Variants in TBC1D5 observed in about 807,000 individuals in gnomAD.
The protein encoded by TBC1D5 is TBC1 domain family member 5, also known as TBC1 domain family, member 5.
TBC1D5 carries 75 observed loss-of-function variants against 100.3 expected under a neutral mutation model. That is an observed-to-expected ratio of 0.75 (90% CI 0.62 to 0.91). The LOEUF is 0.91. Among genes scored for constraint, TBC1D5 ranks in the 40% least tolerant of loss-of-function variants. The probability of loss-of-function intolerance (pLI) is 0.00; values close to 1 mark genes in which losing one functional copy is unlikely to be tolerated. For synonymous variants in TBC1D5, 323 were observed against 325.6 expected (o/e 0.99, Z 0.09); for missense variants, 910 against 942.4 (o/e 0.97, Z 0.45).
intron 13 of TBC1D5, among the ~76,000 whole-genome samples, chr3:17,346,226 T>C (rs1204119278): frequency 6.6e-6 from 1 of 152,188 alleles, no homozygotes; most frequent in African/African-American, 2.4e-5. Context: ...AAACAAACTG[T>C]GAAATTGATC....
chr3:17,587,621 C>T (rs899667514), intron 2 of TBC1D5, among the ~76,000 whole-genome samples: 5 of 151,836 alleles, frequency 3.3e-5, no homozygotes, highest in African/African-American at 9.7e-5. Context: ...ATTTGTATGT[C>T]GGTTTGGTGA....
At chr3:17,349,907 T>G (rs1185250067) in intron 13 of TBC1D5, among the ~76,000 whole-genome samples, 2 of 152,186 alleles carry the variant, frequency 1.3e-5, no homozygotes, top group Non-Finnish European at 2.9e-5. Context: ...ATGGTTTATA[T>G]GAGTATCACA....
intron 2 of TBC1D5, among the ~76,000 whole-genome samples, chr3:17,573,963 G>A (rs1041377461): frequency 6.6e-6 from 1 of 151,812 alleles, no homozygotes; most frequent in African/African-American, 2.4e-5. Context: ...GCCACAGTAC[G>A]TAAAAAGTAC....
intron 1 of TBC1D5, among the ~76,000 whole-genome samples, chr3:17,629,817 G>GA (rs2063347061): frequency 6.6e-6 from 1 of 152,160 alleles, no homozygotes; most frequent in Non-Finnish European, 1.5e-5. Context: ...GAATACACAG[G>GA]AAACGGATTT....
At chr3:17,719,357 G>C (rs532727311) in intron 1 of TBC1D5, among the ~76,000 whole-genome samples, 5 of 152,254 alleles carry the variant, frequency 3.3e-5, no homozygotes, top group African/African-American at 1.2e-4. Flanking sequence ...AGTAAAACCT[G>C]TTAGCATATT....
chr3:17,546,812 A>G (rs1447951694), intron 2 of TBC1D5, among the ~76,000 whole-genome samples: 1 of 152,032 alleles, frequency 6.6e-6, no homozygotes, highest in African/African-American at 2.4e-5. Context: ...AGAAAGAAAG[A>G]AAGAAATCCA....
intron 3 of TBC1D5, among the ~76,000 whole-genome samples, chr3:17,436,290 T>G (rs113437742): frequency 3.9e-5 from 6 of 152,158 alleles, no homozygotes; most frequent in African/African-American, 1.4e-4. Context: ...GTAAGAAAGA[T>G]TAAATGAGAT....
At chr3:17,295,578 T>C (rs765622360) in intron 14 of TBC1D5, among the ~76,000 whole-genome samples, 1 of 152,244 alleles carries the variant, frequency 6.6e-6, no homozygotes, top group Non-Finnish European at 1.5e-5. Flanking sequence ...AGTAACTGTT[T>C]TGAGAAAGTT....
chr3:17,673,079 A>G (rs1398152884), intron 1 of TBC1D5, among the ~76,000 whole-genome samples: 3 of 152,206 alleles, frequency 2.0e-5, no homozygotes, highest in East Asian at 1.9e-4. Flanking sequence ...AAATAATAGA[A>G]TAACAACAAA....
At chr3:17,564,947 A>G (rs2096584437) in intron 2 of TBC1D5, among the ~76,000 whole-genome samples, 1 of 152,292 alleles carries the variant, frequency 6.6e-6, no homozygotes, top group East Asian at 1.9e-4. Context: ...CTTTTGCTCA[A>G]TTATATTAGA....
At chr3:17,450,861 T>A (rs1463182952) in intron 3 of TBC1D5, among the ~76,000 whole-genome samples, 1 of 152,098 alleles carries the variant, frequency 6.6e-6, no homozygotes, top group African/African-American at 2.4e-5. Flanking sequence ...CAGGCCAACA[T>A]TCAAATTCAG....
chr3:17,191,291 T>C (rs1478757242), intron 18 of TBC1D5, among the ~76,000 whole-genome samples: 2 of 152,208 alleles, frequency 1.3e-5, no homozygotes, highest in Non-Finnish European at 2.9e-5. Context: ...GTGATAATAA[T>C]AGTTTCTACC....
intron 17 of TBC1D5, among the ~76,000 whole-genome samples, chr3:17,226,384 A>C (rs1226946355): frequency 2.0e-5 from 3 of 149,544 alleles, no homozygotes; most frequent in Non-Finnish European, 4.4e-5. Flanking sequence ...GCCTATTCTT[A>C]GGGGCACATT....
chr3:17,179,732 C>G (rs1334551554), intron 19 of TBC1D5, among the ~76,000 whole-genome samples: 1 of 152,202 alleles, frequency 6.6e-6, no homozygotes, highest in East Asian at 1.9e-4. Flanking sequence ...GTACTCTCAA[C>G]AGAAGCATGG....
At chr3:17,165,955 C>T (rs1342774189) in intron 21 of TBC1D5, among the ~76,000 whole-genome samples, 1 of 152,112 alleles carries the variant, frequency 6.6e-6, no homozygotes, top group African/African-American at 2.4e-5. Flanking sequence ...CCTTCATTTT[C>T]TCACTGGTCA....
chr3:17,654,984 T>C (rs2065918500), intron 1 of TBC1D5, among the ~76,000 whole-genome samples: 1 of 151,854 alleles, frequency 6.6e-6, no homozygotes, highest in Non-Finnish European at 1.5e-5. Flanking sequence ...GTAGTTTGTA[T>C]TTCTGTGGGA....
At chr3:17,698,704 AC>A (rs1183569836) in intron 1 of TBC1D5, among the ~76,000 whole-genome samples, 1 of 150,178 alleles carries the variant, frequency 6.7e-6, no homozygotes, top group Non-Finnish European at 1.5e-5. Flanking sequence ...CAAGAAAAAA[AC>A]AAACAACCCC....
At chr3:17,545,685 C>T (rs185095905) in intron 2 of TBC1D5, among the ~76,000 whole-genome samples, 148 of 152,192 alleles carry the variant, frequency 9.7e-4, no homozygotes, top group African/African-American at 3.4e-3. Context: ...TGTTCATTGA[C>T]ACAACATTCA....
intron 1 of TBC1D5, among the ~76,000 whole-genome samples, chr3:17,676,670 C>A (rs1203351497): frequency 6.6e-6 from 1 of 152,050 alleles, no homozygotes; most frequent in Admixed American, 6.6e-5. Context: ...TCATATGGAA[C>A]CAAAAAAGAG....
Sources: gnomAD v4.1 joint callset for allele counts (sites outside exome capture counted in the v4.1 genomes callset) on GRCh38, gnomAD v4.1.1 for gene constraint, MANE v1.5 for transcripts, NCBI Gene and HGNC (gene_info 2026-07-23, HGNC 2026-07-21) for gene names.